STK24: variants seen among roughly 807,000 people sequenced by gnomAD.
STK24 encodes serine/threonine-protein kinase 24.
Under a neutral mutation model 55.6 loss-of-function variants are expected in STK24, and 21 were observed. That is an observed-to-expected ratio of 0.38 (90% confidence interval 0.27 to 0.54). The LOEUF (loss-of-function observed/expected upper bound fraction) is 0.54, where lower values mean the gene tolerates loss of function less well. Ranked by LOEUF, STK24 falls within the 20% of genes least tolerant of loss-of-function variation. The probability of loss-of-function intolerance (pLI) is 0.79; values close to 1 mark genes in which losing one functional copy is unlikely to be tolerated. For synonymous variants in STK24, 200 were observed against 215.2 expected, an observed-to-expected ratio of 0.93 and a Z score of 0.62; for missense variants, 383 against 538.4, an observed-to-expected ratio of 0.71 and a Z score of 2.86.
intron 5 of STK24, among the ~76,000 whole-genome samples, chr13:98,473,561 G>A (rs1894241350): frequency 6.6e-6 from 1 of 152,112 alleles, no homozygotes; most frequent in South Asian, 2.1e-4. Flanking sequence ...GACTGCAGAT[G>A]AGAAGCAGCC....
chr13:98,558,793 T>C (rs1472917911), intron 1 of STK24, among the ~76,000 whole-genome samples: 1 of 152,116 alleles, frequency 6.6e-6, no homozygotes, highest in Non-Finnish European at 1.5e-5. Context: ...TTAAACTTTA[T>C]TTCTTACAAT....
Position 98,446,013 on chromosome 13 carries a change from G to A in STK24, c.*7160C>T. The A allele has an allele frequency of 1.1e-6, 1 of 905,502 alleles. No individual in the cohort carries two copies. Among genetic ancestry groups the A allele is most frequent in the Admixed American group, 2.0e-5 (1 of 50,758 alleles). The allele number at this position is 905,502 out of a possible 1,614,324, so 56.1% of individuals were successfully genotyped here. On this transcript the variant is annotated 3_prime_UTR_variant, in exon 11 of 11. Coordinates refer to ENST00000539966, the MANE Select transcript of STK24 (RefSeq NM_001032296.4). Reference sequence around the variant, plus strand: ...TCAGTCACGGACATGCCCCAGCCCAGGGCCCTGGTGCAGGGAGAGCTGCTC... The same window carrying A: ...TCAGTCACGGACATGCCCCAGCCCAAGGCCCTGGTGCAGGGAGAGCTGCTC...
At chr13:98,508,678 C>T (rs1480596383) in intron 2 of STK24, 1 of 152,140 alleles carries the variant, frequency 6.6e-6, no homozygotes, top group Non-Finnish European at 1.5e-5. Flanking sequence ...GGTTCCATGC[C>T]ATACGAGCTA....
At chr13:98,460,585 A>T (rs1337038821) in intron 8 of STK24, 145 bp from the exon 9 acceptor site, 7 of 645,636 alleles carry the variant, frequency 1.1e-5, no homozygotes, top group African/African-American at 1.8e-5. Flanking sequence ...GCACCATAAC[A>T]TCTGAAGGAG....
At chr13:98,504,586 T>G (rs554817274) in intron 2 of STK24, among the ~76,000 whole-genome samples, 1 of 152,224 alleles carries the variant, frequency 6.6e-6, no homozygotes, top group Non-Finnish European at 1.5e-5. Context: ...CAGTGGTTCA[T>G]GGTGAGAATG....
intron 2 of STK24, among the ~76,000 whole-genome samples, chr13:98,510,444 A>G (rs1219097559): frequency 6.6e-6 from 1 of 152,224 alleles, no homozygotes; most frequent in Non-Finnish European, 1.5e-5. Context: ...CATCCAAAAG[A>G]AAGGAAAACA....
chr13:98,451,259 C>T lies in STK24; in HGVS notation c.*1914G>A, dbSNP rs542864293. ...ACACAGACTCAATCTGTGTGATTCG[C>T]AAGGACAAAACTCATCTTTGACTTA... On this transcript the variant is annotated 3_prime_UTR_variant, in exon 11 of 11. Coordinates refer to ENST00000539966, the MANE Select transcript of STK24 (RefSeq NM_001032296.4). 6.6e-6 allele frequency: 1 copy of T among 152,274 alleles called. No homozygotes were observed. The highest frequency in any genetic ancestry group is 2.1e-4 in the South Asian group (1 of 4,822). 9.4% of individuals were successfully genotyped at this position (152,274 alleles called of 1,614,324 possible).
At chr13:98,514,220 C>A (rs1205534518) in intron 2 of STK24, among the ~76,000 whole-genome samples, 1 of 152,250 alleles carries the variant, frequency 6.6e-6, no homozygotes, top group East Asian at 1.9e-4. Flanking sequence ...GCATCCAAGA[C>A]TGCAGATGGA....
intron 1 of STK24, 91 bp downstream of exon 1, chr13:98,576,654 G>T: frequency 2.6e-6 from 3 of 1,173,862 alleles, no homozygotes; most frequent in African/African-American, 1.6e-5. Context: ...ACCCCGGCCG[G>T]CTGAGCGTAG....
At chr13:98,574,847 C>CA (rs36092997) in intron 1 of STK24, among the ~76,000 whole-genome samples, 30,383 of 148,074 alleles carry the variant, frequency 0.21, 3,227 homozygotes, top group African/African-American at 0.28. Context: ...CTGACCCACT[C>CA]AAAAAAAAAA....
rs770773410 is a variant in STK24 at position 98,447,281 on chromosome 13, C to G, written c.*5892G>C. The G allele has an allele frequency of 6.5e-6, 1 of 154,768 alleles. No individual in the cohort carries two copies. The highest frequency in any genetic ancestry group is 6.4e-5 in the Admixed American group (1 of 15,512). The allele number at this position is 154,768 out of a possible 1,614,324, so 9.6% of individuals were successfully genotyped here. A position where few individuals can be genotyped will look rare whatever the true frequency, so the allele number is the denominator to read the frequency against. ...CTTGTGCAGTTTGCCCTGCTGAGCC[C>G]TCCTCGCCCCGGGAGGCAGAAGGGG... is the stretch of plus-strand genomic sequence containing the variant. On this transcript the variant is annotated 3_prime_UTR_variant, in exon 11 of 11. Transcript: ENST00000539966.
rs116958485 is a variant in STK24, at chr13:98,568,883, A to T, written c.42+7862T>A. ...GACTCCATCTCGAAAAACAAAAAAG[A>T]TAAAAGAATATTTGAGGGCCGATGC... On this transcript the variant is annotated intron_variant, in intron 1 of 10. Coordinates refer to ENST00000539966, the MANE Select transcript of STK24 (RefSeq NM_001032296.4). Among the ~76,000 whole-genome samples, 1,413 of 152,212 alleles carry T rather than the reference A, an allele frequency of 9.3e-3. 16 individuals are homozygous for T. The highest frequency in any genetic ancestry group is 0.016 in the South Asian group (75 of 4,818).
chr13:98,474,798 C>T (rs9582232), intron 5 of STK24, 23 bp downstream of exon 5: 293,463 of 1,593,352 alleles, frequency 0.18, 27,962 homozygotes, highest in Middle Eastern at 0.22. Context: ...TGAGGCACGG[C>T]GCCGCCCTCA....
intron 2 of STK24, among the ~76,000 whole-genome samples, chr13:98,483,493 G>A (rs539146982): frequency 3.7e-4 from 57 of 152,166 alleles, no homozygotes; most frequent in African/African-American, 1.3e-3. Context: ...CCCTCAGTTC[G>A]CCCCTGACTC....
rs1315620723 is a variant in STK24, at chr13:98,452,316, G to T, written c.*857C>A. 2 of 152,518 alleles carry T rather than the reference G, an allele frequency of 1.3e-5. No homozygotes were observed. 9.4% of individuals were successfully genotyped at this position (152,518 alleles called of 1,614,324 possible). A position where few individuals can be genotyped will look rare whatever the true frequency, so the allele number is the denominator to read the frequency against. On this transcript the variant is annotated 3_prime_UTR_variant, in exon 11 of 11. Coordinates refer to ENST00000539966, the MANE Select transcript of STK24 (RefSeq NM_001032296.4). ...GTGGCACGATTCCAAACAAATGTCA[G>T]ACGAGAGCGCTTCATGGGGAGAAAC...
intron 1 of STK24, among the ~76,000 whole-genome samples, chr13:98,556,230 T>A (rs1420994546): frequency 6.6e-6 from 1 of 152,170 alleles, no homozygotes; most frequent in Non-Finnish European, 1.5e-5. Context: ...CAGGGATCAG[T>A]CCAGGGTTAA....
chr13:98,518,517 A>G (rs1261575723), intron 2 of STK24, among the ~76,000 whole-genome samples: 2 of 152,242 alleles, frequency 1.3e-5, no homozygotes, highest in African/African-American at 4.8e-5. Context: ...TAAAGGTTAC[A>G]ACATTTTTAA....
At chr13:98,517,710 G>A (rs1896116657) in intron 2 of STK24, among the ~76,000 whole-genome samples, 1 of 152,110 alleles carries the variant, frequency 6.6e-6, no homozygotes, top group Admixed American at 6.5e-5. Context: ...TTTTTGCTGT[G>A]TCAAGACCCA....
At position 98,446,273 on chromosome 13, in the gene STK24, CCCT is replaced by C; in HGVS notation, c.*6897_*6899del. The C allele has an allele frequency of 9.8e-7, 1 of 1,018,358 alleles. No individual in the cohort carries two copies. Among genetic ancestry groups the C allele is most frequent in the South Asian group, 1.4e-5 (1 of 72,958 alleles). The allele number at this position is 1,018,358 out of a possible 1,614,324, so 63.1% of individuals were successfully genotyped here. ...GTGGCAGCATGAGGTGAGGGGGCCG[CCCT>C]CCTCTGGAATGACTCAGGCCTCTTG... On this transcript the variant is annotated 3_prime_UTR_variant, in exon 11 of 11. Transcript: ENST00000539966.
Sources: gnomAD v4.1 joint callset for allele counts (sites outside exome capture counted in the v4.1 genomes callset) on GRCh38, gnomAD v4.1.1 for gene constraint, MANE v1.5 for transcripts, NCBI Gene and HGNC (gene_info 2026-07-23, HGNC 2026-07-21) for gene names.